Variants in ITCH observed in about 807,000 individuals in gnomAD.
ITCH encodes itchy E3 ubiquitin protein ligase, also known as E3 ubiquitin-protein ligase Itchy homolog.
Under a neutral mutation model 126.8 loss-of-function variants are expected in ITCH, and 28 were observed. That is an observed-to-expected ratio of 0.22 (90% CI 0.16 to 0.30). ITCH has a LOEUF of 0.30. Among genes scored for constraint, ITCH ranks in the 10% least tolerant of loss-of-function variants. The probability of loss-of-function intolerance (pLI) is 1.00; values close to 1 mark genes in which losing one functional copy is unlikely to be tolerated. For missense variants in ITCH, 631 were observed against 1,032.4 expected, an observed-to-expected ratio of 0.61 and a Z score of 5.33; for synonymous variants, 342 against 340.0, an observed-to-expected ratio of 1.01 and a Z score of -0.06.
chr20:34,433,269 G>A (rs1052404063), intron 7 of ITCH, among the ~76,000 whole-genome samples: 1 of 152,242 alleles, frequency 6.6e-6, no homozygotes, highest in African/African-American at 2.4e-5. Flanking sequence ...CACCCTGGGG[G>A]ACAAGAGCGA....
chr20:34,399,167 C>T (rs55785436), intron 3 of ITCH, among the ~76,000 whole-genome samples: 9 of 152,056 alleles, frequency 5.9e-5, no homozygotes, highest in African/African-American at 9.6e-5. Flanking sequence ...CCGAGGTGGG[C>T]GGATCACTTG....
chr20:34,376,603 G>A (rs984807436), intron 2 of ITCH, among the ~76,000 whole-genome samples: 4 of 152,134 alleles, frequency 2.6e-5, no homozygotes, highest in African/African-American at 9.7e-5. Flanking sequence ...TGCAGAGGCA[G>A]GAATGGACTT....
intron 12 of ITCH, 132 bp downstream of exon 12, chr20:34,449,612 T>C: frequency 1.5e-6 from 1 of 671,342 alleles, no homozygotes; most frequent in Admixed American, 2.5e-5. Flanking sequence ...AAGTTTTTTT[T>C]TAATATATAT....
At chr20:34,479,509 C>A in intron 17 of ITCH, 121 bp from the exon 18 acceptor site, 1 of 765,592 alleles carries the variant, frequency 1.3e-6, no homozygotes, top group Non-Finnish European at 2.2e-6. Context: ...TAAAAATCAA[C>A]ATGAGATTAG....
intron 20 of ITCH, among the ~76,000 whole-genome samples, chr20:34,485,362 T>A (rs997536620): frequency 1.3e-5 from 2 of 152,196 alleles, no homozygotes; most frequent in African/African-American, 4.8e-5. Context: ...TTTCCCAAAG[T>A]GTTTTTGCCA....
At chr20:34,406,143 T>C (rs1376084652) in intron 3 of ITCH, among the ~76,000 whole-genome samples, 1 of 151,710 alleles carries the variant, frequency 6.6e-6, no homozygotes, top group Non-Finnish European at 1.5e-5. Context: ...TGCCTCAGCC[T>C]CCCCCCAGCA....
At chr20:34,483,187 G>C (rs1988878183) in intron 20 of ITCH, among the ~76,000 whole-genome samples, 2 of 152,166 alleles carry the variant, frequency 1.3e-5, no homozygotes, top group African/African-American at 4.8e-5. Flanking sequence ...GAAGACCTCT[G>C]ACGTGCCCTG....
intron 7 of ITCH, among the ~76,000 whole-genome samples, chr20:34,435,844 G>A (rs765384545): frequency 6.6e-6 from 1 of 152,158 alleles, no homozygotes; most frequent in Non-Finnish European, 1.5e-5. Context: ...CTGATGAACT[G>A]TAAAGATTCT....
chr20:34,456,201 TATATATATATATA>T (rs1458959455), intron 12 of ITCH, among the ~76,000 whole-genome samples: 29 of 36,422 alleles, frequency 8.0e-4, no homozygotes, highest in South Asian at 2.0e-3. Context: ...TATATATATA[TATATATATATATA>T]TTTTTTTTTT....
chr20:34,441,101 T>A (rs1439809239), intron 9 of ITCH, among the ~76,000 whole-genome samples: 2 of 151,818 alleles, frequency 1.3e-5, no homozygotes, highest in Non-Finnish European at 2.9e-5. Flanking sequence ...TGAAACCCCA[T>A]CTCTACTAAA....
At chr20:34,427,207 A>G (rs887824223) in intron 7 of ITCH, among the ~76,000 whole-genome samples, 1 of 152,248 alleles carries the variant, frequency 6.6e-6, no homozygotes, top group South Asian at 2.1e-4. Flanking sequence ...AGAATCATCT[A>G]TACTAATCTC....
At chr20:34,439,560 G>A (rs1290693374) in intron 8 of ITCH, among the ~76,000 whole-genome samples, 1 of 152,222 alleles carries the variant, frequency 6.6e-6, no homozygotes, top group Non-Finnish European at 1.5e-5. Flanking sequence ...ACGGGCGTAA[G>A]CCACTGCAGC....
At chr20:34,399,402 TAAATA>T (rs1229122892) in intron 3 of ITCH, among the ~76,000 whole-genome samples, 6 of 151,702 alleles carry the variant, frequency 4.0e-5, no homozygotes, top group Non-Finnish European at 4.4e-5. Context: ...AAAAAATAAA[TAAATA>T]AAATAAAAAT....
At chr20:34,411,628 A>T (rs1298833057) in intron 4 of ITCH, among the ~76,000 whole-genome samples, 1 of 152,188 alleles carries the variant, frequency 6.6e-6, no homozygotes, top group East Asian at 1.9e-4. Context: ...GTACAGGTAG[A>T]CTTCAAAGGA....
At chr20:34,478,427 G>A (rs1600452250) in intron 17 of ITCH, among the ~76,000 whole-genome samples, 1 of 152,182 alleles carries the variant, frequency 6.6e-6, no homozygotes, top group South Asian at 2.1e-4. Context: ...TTGGACCCTA[G>A]AAGATAGTCT....
intron 6 of ITCH, among the ~76,000 whole-genome samples, chr20:34,418,110 G>C (rs1045724068): frequency 6.6e-6 from 1 of 151,642 alleles, no homozygotes; most frequent in Non-Finnish European, 1.5e-5. Context: ...AGGACTACAG[G>C]CGCACTCAGC....
intron 3 of ITCH, among the ~76,000 whole-genome samples, chr20:34,408,067 G>A (rs4911419): frequency 0.55 from 84,014 of 151,930 alleles, 23,790 homozygotes; most frequent in African/African-American, 0.65. Context: ...CTGAGATTAC[G>A]GGTGCAAGCC....
At chr20:34,402,675 C>T (rs2038928861) in intron 3 of ITCH, 1 of 541,892 alleles carries the variant, frequency 1.8e-6, no homozygotes, top group Admixed American at 2.5e-5. Flanking sequence ...TCACCCACAA[C>T]AACACACTTA....
At chr20:34,401,082 C>T (rs1183794937) in intron 3 of ITCH, among the ~76,000 whole-genome samples, 2 of 152,054 alleles carry the variant, frequency 1.3e-5, no homozygotes, top group African/African-American at 4.8e-5. Flanking sequence ...TTTATAAAGA[C>T]ACATTCTCAT....
Sources: gnomAD v4.1 joint callset for allele counts (sites outside exome capture counted in the v4.1 genomes callset) on GRCh38, gnomAD v4.1.1 for gene constraint, MANE v1.5 for transcripts, NCBI Gene and HGNC (gene_info 2026-07-23, HGNC 2026-07-21) for gene names.